The following NTN1 variants were observed in gnomAD, a reference collection of about 807,000 sequenced individuals.
NTN1 encodes netrin 1, also known as netrin-1.
Under a neutral mutation model 54.2 loss-of-function variants are expected in NTN1, and 11 were observed. The ratio of observed to expected loss-of-function variants is 0.20; its 90% CI spans 0.13 to 0.34. The LOEUF is 0.34. Among genes scored for constraint, NTN1 ranks in the 10% least tolerant of loss-of-function variants. The pLI is 1.00. For synonymous variants in NTN1, 371 were observed against 382.0 expected (o/e 0.97, Z 0.33); for missense variants, 740 against 893.1 (o/e 0.83, Z 2.18).
chr17:9,154,809 A>G (rs1294957983), intron 2 of NTN1, among the ~76,000 whole-genome samples: 11 of 152,230 alleles, frequency 7.2e-5, no homozygotes, highest in Non-Finnish European at 1.6e-4. Flanking sequence ...ATTCTGAACC[A>G]GTCATTTAAG....
chr17:9,143,596 G>C (rs2092304570), intron 2 of NTN1, among the ~76,000 whole-genome samples: 1 of 152,116 alleles, frequency 6.6e-6, no homozygotes, highest in Admixed American at 6.5e-5. Flanking sequence ...GGACTCTCCT[G>C]GTGACAACTG....
chr17:9,023,484 C>A lies in NTN1; in HGVS notation c.1018+93C>A, dbSNP rs147143095. On this transcript the variant is annotated intron_variant, in intron 2 of 6. Transcript: ENST00000173229. ...GCGGCGAGTTCATAGGAGCGCGGGT[C>A]GAGGGAACGGCGGGAGGCGCGTTCG... 9.2e-4 allele frequency: 1,182 copies of A among 1,290,654 alleles called. 8 individuals are homozygous for A. The African/African-American group carries it at 0.017, about 18-fold the overall frequency. The allele number at this position is 1,290,654 out of a possible 1,614,324, so 80.0% of individuals were successfully genotyped here. A position where few individuals can be genotyped will look rare whatever the true frequency, so the allele number is the denominator to read the frequency against.
At chr17:9,152,871 C>T (rs551778001) in intron 2 of NTN1, among the ~76,000 whole-genome samples, 7 of 152,288 alleles carry the variant, frequency 4.6e-5, no homozygotes, top group South Asian at 2.1e-4. Context: ...GTCGCGGAGC[C>T]GGAGCTAGAG....
intron 4 of NTN1, 87 bp downstream of exon 4, chr17:9,180,043 G>C: frequency 1.4e-6 from 2 of 1,437,188 alleles, no homozygotes; most frequent in South Asian, 1.4e-5. Flanking sequence ...ATGTTCAGTG[G>C]GTTCCTTTTT....
chr17:9,194,324 G>A (rs1054774708), intron 5 of NTN1, among the ~76,000 whole-genome samples: 3 of 152,210 alleles, frequency 2.0e-5, no homozygotes, highest in Admixed American at 1.3e-4. Flanking sequence ...TTTCGAGGAT[G>A]CAAAGTGGCA....
intron 2 of NTN1, among the ~76,000 whole-genome samples, chr17:9,038,280 C>T (rs1355891405): frequency 6.6e-6 from 1 of 151,112 alleles, no homozygotes; most frequent in African/African-American, 2.4e-5. Flanking sequence ...CACACACACA[C>T]CTGAGATCAC....
intron 2 of NTN1, among the ~76,000 whole-genome samples, chr17:9,073,173 G>A (rs928202407): frequency 3.3e-5 from 5 of 152,232 alleles, no homozygotes; most frequent in East Asian, 3.8e-4. Context: ...CACAGGGGCC[G>A]CATTTGCAAA....
At chr17:9,026,394 G>GGA (rs1555562105) in intron 2 of NTN1, among the ~76,000 whole-genome samples, 3 of 150,892 alleles carry the variant, frequency 2.0e-5, no homozygotes, top group African/African-American at 4.9e-5. Flanking sequence ...TTTCTTCCGG[G>GGA]GGGGGGGAAC....
chr17:9,007,350 T>C, the NTN1 span, among the ~76,000 whole-genome samples: 3 of 149,304 alleles, frequency 2.0e-5, no homozygotes, highest in African/African-American at 5.0e-5. Context: ...TCTTTCTCTT[T>C]CTCTCTCTCT....
In NTN1 at chr17:9,239,938, T is replaced by C; in HGVS notation, c.1785T>C (p.Arg595=). 1 of 1,404,190 alleles carries C rather than the reference T, an allele frequency of 7.1e-7. No individual in the cohort carries two copies. The highest frequency in any genetic ancestry group is 9.4e-7 in the Non-Finnish European group (1 of 1,064,576). The allele number at this position is 1,404,190 out of a possible 1,614,324, so 87.0% of individuals were successfully genotyped here. A position where few individuals can be genotyped will look rare whatever the true frequency, so the allele number is the denominator to read the frequency against. The stretch of plus-strand genomic sequence containing the variant: ...GGCGGCTGCGCAAGTTCCAGCAGCG[T>C]GAGAAGAAGGGCAAGTGCAAGAAGG... ...WARRLRKFQQ[R]EKKGKCKKA is the part of the protein sequence containing the mutation. Residue 595 remains arginine, a synonymous_variant, in exon 7 of 7, where the codon CGT becomes CGC. Transcript: ENST00000173229. This position sits in a 1 kb window ranked among gnomAD's most constrained non-coding sequence, Gnocchi z 5.2.
chr17:9,096,919 A>T (rs1447121291), intron 2 of NTN1, among the ~76,000 whole-genome samples: 1 of 152,188 alleles, frequency 6.6e-6, no homozygotes, highest in Non-Finnish European at 1.5e-5. Context: ...GTAATACATA[A>T]TTGAAAAACA....
intron 2 of NTN1, among the ~76,000 whole-genome samples, chr17:9,042,940 T>A (rs1386485595): frequency 3.9e-5 from 6 of 152,240 alleles, no homozygotes; most frequent in African/African-American, 1.4e-4. Flanking sequence ...TAGCTGGTCC[T>A]TGAAGGTTTG....
At chr17:9,223,534 G>A (rs1347237790) in intron 6 of NTN1, among the ~76,000 whole-genome samples, 1 of 151,198 alleles carries the variant, frequency 6.6e-6, no homozygotes, top group Non-Finnish European at 1.5e-5. Flanking sequence ...ACTGGCCTGG[G>A]CGACAGAGTG....
At chr17:9,045,225 G>A (rs1472924840) in intron 2 of NTN1, among the ~76,000 whole-genome samples, 2 of 152,218 alleles carry the variant, frequency 1.3e-5, no homozygotes, top group Admixed American at 6.5e-5. Context: ...GCTCACTCCC[G>A]TCTGTACATG....
intron 3 of NTN1, chr17:9,171,302 C>G (rs2092386598): frequency 6.6e-6 from 1 of 152,220 alleles, no homozygotes; most frequent in South Asian, 2.1e-4. Context: ...ATCCCACCTG[C>G]CCCCTCATTC....
chr17:9,088,334 G>T (rs930163105), intron 2 of NTN1, among the ~76,000 whole-genome samples: 7 of 152,308 alleles, frequency 4.6e-5, no homozygotes, highest in Middle Eastern at 3.4e-3. Context: ...CCTAGTAAGT[G>T]GGGATCAGGA....
chr17:9,078,520 C>T lies in NTN1; in HGVS notation c.1018+55129C>T, dbSNP rs141891393. ...ACCTGAGAGTCTGCATGAATTCTGG[C>T]AGAAATAGCTTCAGCCTTACCACAT... On this transcript the variant is annotated intron_variant, in intron 2 of 6. Transcript: ENST00000173229. Among the ~76,000 whole-genome samples, 406 of 152,308 alleles carry T rather than the reference C, an allele frequency of 2.7e-3. 2 individuals carry two copies. The highest frequency in any genetic ancestry group is 9.4e-3 in the African/African-American group (391 of 41,578).
chr17:9,187,876 G>T (rs997645165), intron 5 of NTN1, among the ~76,000 whole-genome samples: 1 of 151,990 alleles, frequency 6.6e-6, no homozygotes, highest in African/African-American at 2.4e-5. Context: ...CAACACAGAA[G>T]AACCTTGAAA....
intron 5 of NTN1, among the ~76,000 whole-genome samples, chr17:9,202,056 A>ACACACACACACACACAC (rs553874657): frequency 7.0e-4 from 10 of 14,288 alleles, no homozygotes; most frequent in East Asian, 2.9e-3. Flanking sequence ...ACACACACAC[A>ACACACACACACACACAC]AAAAAAAAAA....
Sources: allele counts gnomAD v4.1 joint callset (sites outside exome capture counted in the v4.1 genomes callset), GRCh38; gene constraint gnomAD v4.1.1; non-coding constraint Gnocchi (gnomAD v3.1); transcripts MANE v1.5; gene names NCBI Gene and HGNC (gene_info 2026-07-23, HGNC 2026-07-21).